The following ZNF438 variants were observed in gnomAD, a reference collection of about 807,000 sequenced individuals.
ZNF438 encodes the protein zinc finger protein 438.
ZNF438 carries 25 observed loss-of-function variants against 38.0 expected under a neutral mutation model. The ratio of observed to expected loss-of-function variants is 0.66; its 90% CI spans 0.48 to 0.92. The LOEUF (loss-of-function observed/expected upper bound fraction) is 0.92, where lower values mean the gene tolerates loss of function less well. ZNF438 is among the 40% of genes least tolerant of loss of function. The pLI is 0.00. For synonymous variants in ZNF438, 372 were observed against 364.1 expected, an observed-to-expected ratio of 1.02 and a Z score of -0.25; for missense variants, 1,007 against 999.6, an observed-to-expected ratio of 1.01 and a Z score of -0.10.
chr10:30,921,677 C>G (rs1430116874), intron 2 of ZNF438, among the ~76,000 whole-genome samples: 2 of 152,156 alleles, frequency 1.3e-5, no homozygotes, highest in African/African-American at 4.8e-5. Flanking sequence ...TTTGTTGGGT[C>G]TATGATTATG....
chr10:31,025,488 T>C (rs2133367206), intron 1 of ZNF438, among the ~76,000 whole-genome samples: 1 of 152,376 alleles, frequency 6.6e-6, no homozygotes, highest in South Asian at 2.1e-4. Flanking sequence ...AGTATTTATT[T>C]CACACTGCTT....
chr10:30,990,180 T>C (rs985441095), intron 1 of ZNF438, among the ~76,000 whole-genome samples: 5 of 152,092 alleles, frequency 3.3e-5, no homozygotes, highest in Non-Finnish European at 5.9e-5. Flanking sequence ...TTAAGAAATA[T>C]ATCAAAGGGA....
intron 1 of ZNF438, among the ~76,000 whole-genome samples, chr10:30,972,400 C>G (rs1327266032): frequency 1.3e-5 from 2 of 152,136 alleles, no homozygotes; most frequent in African/African-American, 2.4e-5. Context: ...TCGTTTGTAC[C>G]ATTTGTGACA....
intron 1 of ZNF438, among the ~76,000 whole-genome samples, chr10:30,974,037 AG>A (rs2051045859): frequency 6.6e-6 from 1 of 152,236 alleles, no homozygotes; most frequent in African/African-American, 2.4e-5. Context: ...TGTGACCTGC[AG>A]CCTAATGGCT....
At chr10:30,931,007 T>C (rs1169363559) in intron 2 of ZNF438, among the ~76,000 whole-genome samples, 1 of 152,058 alleles carries the variant, frequency 6.6e-6, no homozygotes, top group Non-Finnish European at 1.5e-5. Context: ...GGGCTTGCAG[T>C]CACTGGGCTA....
Position 30,848,876 on chromosome 10 carries a change from TGACATCTG to T in ZNF438, c.1521_1528del (p.His507GlnfsTer51). On this transcript the variant is annotated frameshift_variant, in exon 5 of 6. Coordinates refer to ENST00000413025, the Ensembl canonical transcript of ZNF438. LOFTEE classifies it high-confidence loss of function. ...GAACTGGAAGTGGTGGTTGCAGACGTGACATCTGTGCCAAGGCTTCTTAATGCCAGAGA... is the reference window on the plus strand; with the variant it reads ...GAACTGGAAGTGGTGGTTGCAGACGTTGCCAAGGCTTCTTAATGCCAGAGA... The T allele has an allele frequency of 6.2e-7, 1 of 1,614,244 alleles. No individual in the cohort carries two copies. Among genetic ancestry groups the T allele is most frequent in the Non-Finnish European group, 8.5e-7 (1 of 1,180,046 alleles).
chr10:30,886,545 A>G (rs1028109358), intron 3 of ZNF438, among the ~76,000 whole-genome samples: 1 of 152,190 alleles, frequency 6.6e-6, no homozygotes, highest in African/African-American at 2.4e-5. Context: ...AACTTAGCCT[A>G]CCTTAAACAT....
At chr10:30,979,490 T>G (rs2051848532) in intron 1 of ZNF438, among the ~76,000 whole-genome samples, 1 of 152,214 alleles carries the variant, frequency 6.6e-6, no homozygotes, top group South Asian at 2.1e-4. Flanking sequence ...GCTGGAGGCA[T>G]CATGCTACCT....
At chr10:30,944,280 C>T (rs1033684198) in intron 1 of ZNF438, among the ~76,000 whole-genome samples, 1 of 152,174 alleles carries the variant, frequency 6.6e-6, no homozygotes, top group Non-Finnish European at 1.5e-5. Context: ...CAAGTTAAGT[C>T]AATCCAATTT....
intron 1 of ZNF438, among the ~76,000 whole-genome samples, chr10:30,987,045 G>T (rs987657147): frequency 5.3e-5 from 8 of 152,162 alleles, no homozygotes; most frequent in Middle Eastern, 3.4e-3. Context: ...GCCCAAAACT[G>T]CAATATATTA....
chr10:30,958,792 A>G (rs997684690), intron 1 of ZNF438, among the ~76,000 whole-genome samples: 1 of 147,192 alleles, frequency 6.8e-6, no homozygotes, highest in East Asian at 1.9e-4. Flanking sequence ...TAGAAATTTC[A>G]TAAGTGAAAT....
chr10:30,990,943 A>C lies in ZNF438; in HGVS notation c.-192+40890T>G, dbSNP rs574617914. Among the ~76,000 whole-genome samples the C allele has an allele frequency of 4.6e-5, 7 of 152,312 alleles. No homozygotes were observed. In the East Asian group the frequency reaches 9.6e-4, roughly 21 times the overall value. ...AGTGCCATAGAATTTCTCCCCAACA[A>C]AAACAATTTAACTGGAAAAAAAATT... On this transcript the variant is annotated intron_variant, in intron 1 of 5. Transcript: ENST00000413025.
At chr10:31,003,010 G>T (rs138185965) in intron 1 of ZNF438, among the ~76,000 whole-genome samples, 2,457 of 152,204 alleles carry the variant, frequency 0.016, 38 homozygotes, top group Non-Finnish European at 0.019. Context: ...ATTACAGAAG[G>T]CAGTTTTCAA....
intron 2 of ZNF438, among the ~76,000 whole-genome samples, chr10:30,938,385 C>T (rs778353958): frequency 3.4e-4 from 51 of 152,186 alleles, no homozygotes; most frequent in Non-Finnish European, 6.5e-4. Flanking sequence ...AAGCGATTCT[C>T]CTGTCTCAGC....
intron 1 of ZNF438, among the ~76,000 whole-genome samples, chr10:31,018,687 A>C (rs1465256645): frequency 4.6e-5 from 7 of 152,258 alleles, no homozygotes; most frequent in Non-Finnish European, 1.0e-4. Flanking sequence ...TGGCTAAAAC[A>C]AGAAAGTTTA....
chr10:31,024,241 ACTT>A (rs1275866196), intron 1 of ZNF438, among the ~76,000 whole-genome samples: 9 of 152,240 alleles, frequency 5.9e-5, no homozygotes, highest in Non-Finnish European at 1.3e-4. Context: ...CTCTAAACCA[ACTT>A]CTTTTTCTAT....
At position 30,988,509 on chromosome 10, in the gene ZNF438, A is replaced by C. The variant is rs148752742; in HGVS notation, c.-192+43324T>G. 4.8e-3 allele frequency among the ~76,000 whole-genome samples: 732 copies of C among 152,226 alleles called. 9 individuals carry two copies. Among genetic ancestry groups the C allele is most frequent in the African/African-American group, 0.017 (699 of 41,566 alleles). ...ATTAGTCAGGGTTCTCCAGAGAAAGAGAGAGATAACAAGATTATAATTATT... is the reference window on the plus strand; with the variant it reads ...ATTAGTCAGGGTTCTCCAGAGAAAGCGAGAGATAACAAGATTATAATTATT... On this transcript the variant is annotated intron_variant, in intron 1 of 5. Coordinates refer to ENST00000413025, the Ensembl canonical transcript of ZNF438.
rs117996495 is a variant in ZNF438 at position 30,975,288 on chromosome 10, G to A, written c.-191-33637C>T. 1.4e-3 allele frequency among the ~76,000 whole-genome samples: 208 copies of A among 152,274 alleles called. 3 individuals are homozygous for A. The East Asian group carries it at 0.03, about 22-fold the overall frequency. ...CATACAAGGTCCCTTATTATACAGA[G>A]AGAATGAAGTTGGTGCCCATTTGAG... On this transcript the variant is annotated intron_variant, in intron 1 of 5. Transcript: ENST00000413025.
At chr10:30,876,454 T>C (rs1289326621) in intron 4 of ZNF438, among the ~76,000 whole-genome samples, 1 of 152,124 alleles carries the variant, frequency 6.6e-6, no homozygotes, top group African/African-American at 2.4e-5. Context: ...TTCTGGAAGG[T>C]CCAGAAGTGC....
Sources: allele counts gnomAD v4.1 joint callset (sites outside exome capture counted in the v4.1 genomes callset), GRCh38; gene constraint gnomAD v4.1.1; transcripts MANE v1.5; gene names NCBI Gene and HGNC (gene_info 2026-07-23, HGNC 2026-07-21).